Variants in ZFPM1 observed in about 807,000 individuals in gnomAD.
ZFPM1 encodes the protein zinc finger protein ZFPM1.
Under a neutral mutation model 46.3 loss-of-function variants are expected in ZFPM1, and 28 were observed. That is an observed-to-expected ratio of 0.60 (90% CI 0.45 to 0.83). The LOEUF (loss-of-function observed/expected upper bound fraction) is 0.83, where lower values mean the gene tolerates loss of function less well. Ranked by LOEUF, ZFPM1 falls within the 40% of genes least tolerant of loss-of-function variation. The pLI is 0.00. For missense variants in ZFPM1, 1,878 were observed against 1,432.4 expected, an observed-to-expected ratio of 1.31 and a Z score of -5.02; for synonymous variants, 957 against 675.9, an observed-to-expected ratio of 1.42 and a Z score of -6.45.
chr16:88,526,993 TA>T (rs1330784081), intron 5 of ZFPM1, 77 bp downstream of exon 5: 3 of 1,488,820 alleles, frequency 2.0e-6, no homozygotes, highest in Non-Finnish European at 2.7e-6. Flanking sequence ...GCTGAGCCCT[TA>T]AAGGGAAACC....
intron 4 of ZFPM1, among the ~76,000 whole-genome samples, chr16:88,525,879 G>A (rs1423555241): frequency 4.6e-5 from 7 of 152,196 alleles, no homozygotes; most frequent in South Asian, 2.1e-4. Flanking sequence ...GAAACGAGGC[G>A]GCCTCCACGG....
At chr16:88,487,561 T>A (rs1909302089) in intron 2 of ZFPM1, among the ~76,000 whole-genome samples, 2 of 151,964 alleles carry the variant, frequency 1.3e-5, no homozygotes, top group African/African-American at 4.8e-5. Flanking sequence ...CAGAGGGGTC[T>A]GCAGCCGAGG....
At position 88,501,161 on chromosome 16, in the gene ZFPM1, G is replaced by A. The variant is rs867030780; in HGVS notation, c.268+12008G>A. 1.2e-3 allele frequency among the ~76,000 whole-genome samples: 145 copies of A among 123,004 alleles called. 2 individuals carry two copies. The South Asian group carries it at 0.016, about 14-fold the overall frequency. The allele number at this position is 123,004 out of a possible 152,430, so 80.7% of individuals were successfully genotyped here. A position where few individuals can be genotyped will look rare whatever the true frequency, so the allele number is the denominator to read the frequency against. ...CCATCCCGCAGGTGCTGGTGATGAT[G>A]GAGATAGCAGACATGGGTGCGGGGG... On this transcript the variant is annotated intron_variant, in intron 3 of 9. Transcript: ENST00000319555.
Position 88,534,756 on chromosome 16 carries a change from C to T in ZFPM1, c.2798C>T (p.Pro933Leu), listed in dbSNP as rs756762156. Residue 933 changes from proline to leucine, a missense_variant, in exon 10 of 10, where the codon CCC becomes CTC. Pro to Leu is a moderately conservative substitution (Grantham distance 98, BLOSUM62 -3). Coordinates refer to ENST00000319555, the MANE Select transcript of ZFPM1 (RefSeq NM_153813.3). Reference protein sequence around the residue: ...PEPQEPPPGPPPSPAAAPEAV... With the variant: ...PEPQEPPPGPLPSPAAAPEAV... ...CCCCAGGAGCCGCCGCCCGGCCCGC[C>T]CCCGTCCCCGGCCGCCGCGCCCGAG... The T allele has an allele frequency of 2.8e-6, 3 of 1,067,492 alleles. No individual in the cohort carries two copies. Among genetic ancestry groups the T allele is most frequent in the Non-Finnish European group, 3.4e-6 (3 of 882,874 alleles). The allele number at this position is 1,067,492 out of a possible 1,614,324, so 66.1% of individuals were successfully genotyped here. A position where few individuals can be genotyped will look rare whatever the true frequency, so the allele number is the denominator to read the frequency against.
At chr16:88,490,524 G>A (rs1330672947) in intron 3 of ZFPM1, among the ~76,000 whole-genome samples, 17 of 152,224 alleles carry the variant, frequency 1.1e-4, no homozygotes, top group Admixed American at 1.0e-3. Context: ...CTGAGGCAGA[G>A]GGACCACATT....
At position 88,517,178 on chromosome 16, in the gene ZFPM1, GTAGA is replaced by G. The variant is rs201631926; in HGVS notation, c.402+2660_402+2663del. Among the ~76,000 whole-genome samples, 327 of 126,416 alleles carry G rather than the reference GTAGA, an allele frequency of 2.6e-3. 3 individuals carry two copies. Among genetic ancestry groups the G allele is most frequent in the African/African-American group, 8.1e-3 (292 of 35,890 alleles). The allele number at this position is 126,416 out of a possible 152,430, so 82.9% of individuals were successfully genotyped here. On this transcript the variant is annotated intron_variant, in intron 4 of 9. Coordinates refer to ENST00000319555, the MANE Select transcript of ZFPM1 (RefSeq NM_153813.3). ...GATGGGTAGGTGGACGGATGGATGG[GTAGA>G]TGGATGGATGGATGGATGGATGGAT...
rs374081332 is a variant in ZFPM1, at chr16:88,493,249, G to A, written c.268+4096G>A. On this transcript the variant is annotated intron_variant, in intron 3 of 9. Coordinates refer to ENST00000319555, the MANE Select transcript of ZFPM1 (RefSeq NM_153813.3). ...GAGCTGTCCCACGGTGAGGAGAGCT[G>A]TCCTGGGGTGCGGGGAGCTGTCCCG... is the stretch of plus-strand genomic sequence containing the variant. Among the ~76,000 whole-genome samples the A allele has an allele frequency of 2.7e-5, 4 of 148,264 alleles. No individual in the cohort carries two copies. In the East Asian group the frequency reaches 6.2e-4, roughly 23 times the overall value.
At position 88,497,828 on chromosome 16, in the gene ZFPM1, G is replaced by A. The variant is rs1051009892; in HGVS notation, c.268+8675G>A. On this transcript the variant is annotated intron_variant, in intron 3 of 9. Transcript: ENST00000319555. The surrounding 1 kb of genome is among the most constrained non-coding windows in gnomAD (Gnocchi z 5.4). ...CCGAGTGTGTGAGGGCGTCGGGCTG[G>A]TTATCTGGGCCGAGCTCCATCTGAC... Among the ~76,000 whole-genome samples, 3 of 152,182 alleles carry A rather than the reference G, an allele frequency of 2.0e-5. No individual in the cohort carries two copies. Among genetic ancestry groups the A allele is most frequent in the African/African-American group, 7.2e-5 (3 of 41,454 alleles).
intron 3 of ZFPM1, among the ~76,000 whole-genome samples, chr16:88,490,471 C>T (rs1440588603): frequency 1.3e-5 from 2 of 152,334 alleles, no homozygotes; most frequent in East Asian, 3.9e-4. Flanking sequence ...AGAGAAGATG[C>T]ATGGTGAGGC....
intron 2 of ZFPM1, among the ~76,000 whole-genome samples, chr16:88,486,342 C>G (rs372482734): frequency 1.3e-5 from 2 of 152,240 alleles, no homozygotes; most frequent in Non-Finnish European, 2.9e-5. Flanking sequence ...GGATGGGAAT[C>G]CATGCCCCTC....
chr16:88,467,763 C>A (rs553432107), intron 1 of ZFPM1, among the ~76,000 whole-genome samples: 17 of 152,278 alleles, frequency 1.1e-4, no homozygotes, highest in Non-Finnish European at 8.8e-5. Context: ...AGGCCCCCAC[C>A]CCCTAGTTCC....
chr16:88,496,844 G>A (rs1041800391), intron 3 of ZFPM1, among the ~76,000 whole-genome samples: 1 of 152,194 alleles, frequency 6.6e-6, no homozygotes, highest in Non-Finnish European at 1.5e-5. Flanking sequence ...AGCCAGTCCT[G>A]CAGGGGAGGT....
intron 4 of ZFPM1, among the ~76,000 whole-genome samples, chr16:88,520,893 G>C (rs1911821003): frequency 1.0e-5 from 1 of 100,358 alleles, no homozygotes; most frequent in Non-Finnish European, 2.0e-5. Context: ...GGGAGGGAGG[G>C]AGTGTGGGTG....
chr16:88,483,282 T>C (rs1909046173), intron 1 of ZFPM1, among the ~76,000 whole-genome samples: 1 of 150,274 alleles, frequency 6.7e-6, no homozygotes, highest in Non-Finnish European at 1.5e-5. Context: ...CTGCCCCTCC[T>C]GTCCAGGACC....
intron 3 of ZFPM1, among the ~76,000 whole-genome samples, chr16:88,491,050 G>GGTCAGGCGCTGGTGCCTTCGGGGC (rs1909541601): frequency 6.7e-6 from 1 of 149,066 alleles, no homozygotes; most frequent in Non-Finnish European, 1.5e-5. Context: ...GCCTTCGGGG[G>GGTCAGGCGCTGGTGCCTTCGGGGC]TCTCGGTCAG....
rs904795 is a variant in ZFPM1, at chr16:88,463,141, G to A, written c.40+9463G>A. Among the ~76,000 whole-genome samples the A allele has an allele frequency of 5.3e-3, 812 of 152,370 alleles. 7 individuals are homozygous for A. The highest frequency in any genetic ancestry group is 0.018 in the African/African-American group (767 of 41,582). On this transcript the variant is annotated intron_variant, in intron 1 of 9. Coordinates refer to ENST00000319555, the MANE Select transcript of ZFPM1 (RefSeq NM_153813.3). The stretch of plus-strand genomic sequence containing the variant: ...TTCCCAAGTCAGACCCAGGGAGCAG[G>A]AGCGGAGGAGGCCCCAGGGCCAGGT...
intron 3 of ZFPM1, among the ~76,000 whole-genome samples, chr16:88,500,226 C>T (rs1597254134): frequency 6.6e-6 from 1 of 152,306 alleles, no homozygotes; most frequent in East Asian, 1.9e-4. Flanking sequence ...CCTGGGCGAG[C>T]CCCTGGAGCC....
chr16:88,461,905 AG>A (rs1456215189), intron 1 of ZFPM1, among the ~76,000 whole-genome samples: 3 of 152,090 alleles, frequency 2.0e-5, no homozygotes, highest in Admixed American at 2.0e-4. Flanking sequence ...GACATGTGTG[AG>A]GTTATGTGAC....
intron 4 of ZFPM1, among the ~76,000 whole-genome samples, chr16:88,519,880 T>G (rs972666412): frequency 1.3e-5 from 2 of 149,094 alleles, no homozygotes; most frequent in African/African-American, 5.0e-5. Context: ...GATGGGTAGA[T>G]GGAGAGATGT....
Sources: gnomAD v4.1 joint callset for allele counts (sites outside exome capture counted in the v4.1 genomes callset) on GRCh38, gnomAD v4.1.1 for gene constraint, Gnocchi (gnomAD v3.1) non-coding constraint, MANE v1.5 for transcripts, NCBI Gene and HGNC (gene_info 2026-07-23, HGNC 2026-07-21) for gene names.